FBXL17: variants seen among roughly 807,000 people sequenced by gnomAD.
The protein encoded by FBXL17 is F-box/LRR-repeat protein 17.
FBXL17 carries 22 observed loss-of-function variants against 66.2 expected under a neutral mutation model. The observed-to-expected ratio is 0.33, with a 90% CI of 0.24 to 0.47. The LOEUF (loss-of-function observed/expected upper bound fraction) is 0.47. Among genes scored for constraint, FBXL17 ranks in the 20% least tolerant of loss-of-function variants. The pLI is 1.00. For synonymous variants in FBXL17, 474 were observed against 400.5 expected, an observed-to-expected ratio of 1.18 and a Z score of -2.19; for missense variants, 878 against 948.2, an observed-to-expected ratio of 0.93 and a Z score of 0.97.
At chr5:107,917,617 A>G (rs1441442888) in intron 7 of FBXL17, among the ~76,000 whole-genome samples, 2 of 152,198 alleles carry the variant, frequency 1.3e-5, no homozygotes, top group Non-Finnish European at 2.9e-5. Context: ...TTTAGTCTGT[A>G]AACACCTGAT....
chr5:108,027,382 C>G (rs1430120408), intron 6 of FBXL17, among the ~76,000 whole-genome samples: 3 of 152,232 alleles, frequency 2.0e-5, no homozygotes, highest in Admixed American at 1.3e-4. Flanking sequence ...AAAAGTCTTG[C>G]TTTTTAATTT....
At chr5:107,912,758 C>T (rs1165753806) in intron 7 of FBXL17, among the ~76,000 whole-genome samples, 2 of 152,094 alleles carry the variant, frequency 1.3e-5, no homozygotes, top group African/African-American at 4.8e-5. Flanking sequence ...TCTGTAGCAT[C>T]ATACAGGTTT....
At chr5:107,913,926 A>T (rs1750038916) in intron 7 of FBXL17, among the ~76,000 whole-genome samples, 1 of 151,872 alleles carries the variant, frequency 6.6e-6, no homozygotes, top group Non-Finnish European at 1.5e-5. Context: ...TATTATGTAG[A>T]CAGGCAGGAA....
chr5:108,101,775 C>T (rs891993180), intron 6 of FBXL17, among the ~76,000 whole-genome samples: 2 of 152,200 alleles, frequency 1.3e-5, no homozygotes, highest in Non-Finnish European at 2.9e-5. Context: ...ACCACCTACA[C>T]TAATCTGTGG....
intron 7 of FBXL17, among the ~76,000 whole-genome samples, chr5:107,945,578 A>G (rs1006577539): frequency 6.6e-6 from 1 of 152,190 alleles, no homozygotes; most frequent in Non-Finnish European, 1.5e-5. Context: ...CTAAATCTCA[A>G]AAGCATAATG....
chr5:108,098,422 T>C (rs1306414239), intron 6 of FBXL17, among the ~76,000 whole-genome samples: 1 of 151,908 alleles, frequency 6.6e-6, no homozygotes, highest in Non-Finnish European at 1.5e-5. Flanking sequence ...ACTTTTTGGG[T>C]CAACTTGCCA....
chr5:107,986,275 A>C (rs1753008879), intron 7 of FBXL17, among the ~76,000 whole-genome samples: 1 of 151,990 alleles, frequency 6.6e-6, no homozygotes, highest in South Asian at 2.1e-4. Flanking sequence ...AGAAAACCTG[A>C]AATAAACAAT....
intron 7 of FBXL17, among the ~76,000 whole-genome samples, chr5:107,993,431 C>T (rs996749914): frequency 3.3e-5 from 5 of 152,268 alleles, no homozygotes; most frequent in Admixed American, 6.5e-5. Flanking sequence ...TAAACCACCA[C>T]GTGCAAATAT....
intron 7 of FBXL17, among the ~76,000 whole-genome samples, chr5:107,916,914 C>A (rs1750151382): frequency 6.6e-6 from 1 of 152,104 alleles, no homozygotes; most frequent in Admixed American, 6.6e-5. Flanking sequence ...TAGTAACATG[C>A]TAAAAATTTA....
At chr5:108,199,618 A>G (rs1214995886) in intron 5 of FBXL17, among the ~76,000 whole-genome samples, 1 of 152,184 alleles carries the variant, frequency 6.6e-6, no homozygotes, top group African/African-American at 2.4e-5. Context: ...AGTTAGTGGT[A>G]GTCTAAGAAA....
chr5:108,027,490 G>T (rs1754867976), intron 6 of FBXL17, among the ~76,000 whole-genome samples: 1 of 151,530 alleles, frequency 6.6e-6, no homozygotes. Flanking sequence ...GCAGAAAAAA[G>T]ATGCTAAGCT....
chr5:108,138,818 C>A (rs1751243865), intron 6 of FBXL17, among the ~76,000 whole-genome samples: 1 of 151,968 alleles, frequency 6.6e-6, no homozygotes, highest in Non-Finnish European at 1.5e-5. Context: ...GTGGTAAGTG[C>A]AATATGGACA....
chr5:107,952,037 A>C (rs572305362), intron 7 of FBXL17, among the ~76,000 whole-genome samples: 1 of 152,214 alleles, frequency 6.6e-6, no homozygotes, highest in Non-Finnish European at 1.5e-5. Flanking sequence ...TGCCATATAT[A>C]AGCTCAATTA....
intron 7 of FBXL17, among the ~76,000 whole-genome samples, chr5:107,992,689 A>G (rs1753299063): frequency 6.6e-6 from 1 of 152,204 alleles, no homozygotes; most frequent in African/African-American, 2.4e-5. Flanking sequence ...GACAAATAGT[A>G]TAATAACTTT....
chr5:108,101,989 T>C (rs1749619461), intron 6 of FBXL17, among the ~76,000 whole-genome samples: 1 of 152,138 alleles, frequency 6.6e-6, no homozygotes, highest in Non-Finnish European at 1.5e-5. Flanking sequence ...GTTCCCAGGG[T>C]GGCTGCACTC....
chr5:108,067,694 G>A (rs1748169870), intron 6 of FBXL17, among the ~76,000 whole-genome samples: 1 of 152,104 alleles, frequency 6.6e-6, no homozygotes, highest in African/African-American at 2.4e-5. Flanking sequence ...CTTAAGGGGT[G>A]GAGGGCAAGT....
chr5:107,897,903 T>C (rs1162264294), intron 7 of FBXL17, among the ~76,000 whole-genome samples: 1 of 142,716 alleles, frequency 7.0e-6, no homozygotes, highest in African/African-American at 2.7e-5. Context: ...ATTGTGGATA[T>C]GATAAAAAAG....
At chr5:108,269,265 C>T (rs186490345) in intron 4 of FBXL17, among the ~76,000 whole-genome samples, 1 of 152,126 alleles carries the variant, frequency 6.6e-6, no homozygotes, top group Non-Finnish European at 1.5e-5. Flanking sequence ...TCAAAATAAT[C>T]AATATGCCAC....
At chr5:108,006,109 G>C (rs1389857848) in intron 7 of FBXL17, among the ~76,000 whole-genome samples, 1 of 152,222 alleles carries the variant, frequency 6.6e-6, no homozygotes, top group Non-Finnish European at 1.5e-5. Context: ...TAAACTAAAT[G>C]GGAGGCGAGG....
Sources: allele counts gnomAD v4.1 joint callset (sites outside exome capture counted in the v4.1 genomes callset), GRCh38; gene constraint gnomAD v4.1.1; transcripts MANE v1.5; gene names NCBI Gene and HGNC (gene_info 2026-07-23, HGNC 2026-07-21).